The following CNIH3 variants were observed in gnomAD, a reference collection of about 807,000 sequenced individuals.
The protein encoded by CNIH3 is protein cornichon homolog 3.
In CNIH3, 14 loss-of-function variants were observed where a neutral mutation model predicts 24.1. The ratio of observed to expected loss-of-function variants is 0.58; its 90% CI spans 0.38 to 0.91. The LOEUF (loss-of-function observed/expected upper bound fraction) is 0.91, where lower values mean the gene tolerates loss of function less well. Among genes scored for constraint, CNIH3 ranks in the 40% least tolerant of loss-of-function variants. The pLI is 0.00. For missense variants in CNIH3, 178 were observed against 196.8 expected (o/e 0.90, Z 0.57); for synonymous variants, 68 against 73.8 (o/e 0.92, Z 0.40).
intron 1 of CNIH3, among the ~76,000 whole-genome samples, chr1:224,648,382 G>C (rs1684712529): frequency 6.7e-6 from 1 of 148,956 alleles, no homozygotes; most frequent in South Asian, 2.1e-4. Context: ...CTGCACTCCA[G>C]CCTGGGTGAC....
chr1:224,545,355 A>T (rs1030604257), intron 2 of CNIH3, among the ~76,000 whole-genome samples: 1 of 152,174 alleles, frequency 6.6e-6, no homozygotes, highest in Non-Finnish European at 1.5e-5. Flanking sequence ...TTCTATTATA[A>T]CGTTCAGAGT....
At chr1:224,451,479 C>T (rs1021125772) in intron 1 of CNIH3, among the ~76,000 whole-genome samples, 1 of 152,160 alleles carries the variant, frequency 6.6e-6, no homozygotes, top group Non-Finnish European at 1.5e-5. Flanking sequence ...AACCGAATAG[C>T]TTGGTCACAC....
chr1:224,497,018 C>T (rs896971462), intron 1 of CNIH3, among the ~76,000 whole-genome samples: 1 of 152,074 alleles, frequency 6.6e-6, no homozygotes, highest in African/African-American at 2.4e-5. Flanking sequence ...GTGGTATATC[C>T]ATACAATGGA....
At chr1:224,597,872 G>T (rs1682051634) in intron 3 of CNIH3, among the ~76,000 whole-genome samples, 1 of 152,160 alleles carries the variant, frequency 6.6e-6, no homozygotes, top group South Asian at 2.1e-4. Context: ...TTGGTAATTG[G>T]CATCAGAAGT....
intron 2 of CNIH3, among the ~76,000 whole-genome samples, chr1:224,533,405 A>G: frequency 6.7e-6 from 1 of 148,174 alleles, no homozygotes; most frequent in Non-Finnish European, 1.5e-5. Flanking sequence ...AAAAAAAAAA[A>G]TCAGAGAGAG....
chr1:224,674,534 G>A (rs1157195101), intron 1 of CNIH3, among the ~76,000 whole-genome samples: 1 of 152,006 alleles, frequency 6.6e-6, no homozygotes, highest in Non-Finnish European at 1.5e-5. Flanking sequence ...GGCCCCAGCA[G>A]GACTGACCTT....
chr1:224,617,817 G>C (rs927853598), intron 1 of CNIH3, among the ~76,000 whole-genome samples: 16 of 152,080 alleles, frequency 1.1e-4, no homozygotes, highest in Non-Finnish European at 2.2e-4. Context: ...AGAAGGAGAA[G>C]AGCAAGGAGG....
At chr1:224,700,558 A>G (rs1687430148) in intron 3 of CNIH3, among the ~76,000 whole-genome samples, 1 of 152,220 alleles carries the variant, frequency 6.6e-6, no homozygotes, top group African/African-American at 2.4e-5. Flanking sequence ...CTTTCTCATT[A>G]TCCCAGATGT....
chr1:224,734,265 G>A (rs888571304), intron 4 of CNIH3, among the ~76,000 whole-genome samples: 4 of 152,162 alleles, frequency 2.6e-5, no homozygotes, highest in African/African-American at 4.8e-5. Context: ...CCTGAGAGGC[G>A]GCTCTTCCTC....
intron 3 of CNIH3, among the ~76,000 whole-genome samples, chr1:224,607,622 G>A (rs1346976269): frequency 6.6e-6 from 1 of 152,160 alleles, no homozygotes; most frequent in African/African-American, 2.4e-5. Context: ...GGTGAGTGAA[G>A]GGATGACTTT....
At position 224,684,187 on chromosome 1, in the gene CNIH3, G is replaced by A. The variant is rs1252408227; in HGVS notation, c.151-609G>A. ...CGGGCATCATCACCTGCCCAGCCAC[G>A]GGCCATCATCTCATCTTCCCTTGGC... On this transcript the variant is annotated intron_variant, in intron 2 of 5. Transcript: ENST00000272133. This position sits in a 1 kb window ranked among gnomAD's most constrained non-coding sequence, Gnocchi z 4.2. Among the ~76,000 whole-genome samples the A allele has an allele frequency of 6.6e-6, 1 of 152,328 alleles. No individual in the cohort carries two copies. The highest frequency in any genetic ancestry group is 1.9e-4 in the East Asian group (1 of 5,184).
At chr1:224,501,506 T>TAC (rs1491338256) in intron 1 of CNIH3, among the ~76,000 whole-genome samples, 1 of 112,928 alleles carries the variant, frequency 8.9e-6, no homozygotes, top group African/African-American at 3.3e-5. Flanking sequence ...GGCTTGAACC[T>TAC]ATATATATAT....
intron 1 of CNIH3, among the ~76,000 whole-genome samples, chr1:224,621,341 A>G (rs1158424383): frequency 6.6e-6 from 1 of 152,232 alleles, no homozygotes; most frequent in Admixed American, 6.5e-5. Context: ...CTGGAAGTCT[A>G]GTAAACATCT....
At chr1:224,516,336 AAAAAAT>A in intron 1 of CNIH3, among the ~76,000 whole-genome samples, 1 of 121,508 alleles carries the variant, frequency 8.2e-6, no homozygotes, top group African/African-American at 3.7e-5. Flanking sequence ...AAAAAAAAAA[AAAAAAT>A]CCATGCACTT....
chr1:224,496,315 T>C (rs1370485177), intron 1 of CNIH3, among the ~76,000 whole-genome samples: 1 of 152,190 alleles, frequency 6.6e-6, no homozygotes, highest in African/African-American at 2.4e-5. Context: ...GAGCACTTTC[T>C]GTGCTGCTGG....
At chr1:224,519,271 G>A (rs1444807675) in intron 1 of CNIH3, among the ~76,000 whole-genome samples, 1 of 152,202 alleles carries the variant, frequency 6.6e-6, no homozygotes, top group East Asian at 1.9e-4. Flanking sequence ...TAGAACAGAA[G>A]GCAGAGGAAG....
intron 1 of CNIH3, among the ~76,000 whole-genome samples, chr1:224,676,065 T>A (rs1047573733): frequency 2.0e-5 from 3 of 152,228 alleles, no homozygotes; most frequent in African/African-American, 4.8e-5. Context: ...GCTTTATTCA[T>A]AATTGTCAAA....
intron 1 of CNIH3, among the ~76,000 whole-genome samples, chr1:224,443,321 T>C (rs1307876291): frequency 6.6e-6 from 1 of 152,152 alleles, no homozygotes; most frequent in African/African-American, 2.4e-5. Context: ...ACTACTTGCA[T>C]CTATCTAATG....
chr1:224,733,782 CTCCGGCAGG>C (rs1415024527), intron 4 of CNIH3, among the ~76,000 whole-genome samples: 66 of 152,286 alleles, frequency 4.3e-4, no homozygotes, highest in African/African-American at 1.6e-3. Context: ...TGTTCTTGGG[CTCCGGCAGG>C]AGGCTGTGGC....
Sources: gnomAD v4.1 joint callset for allele counts (sites outside exome capture counted in the v4.1 genomes callset) on GRCh38, gnomAD v4.1.1 for gene constraint, Gnocchi (gnomAD v3.1) non-coding constraint, MANE v1.5 for transcripts, NCBI Gene and HGNC (gene_info 2026-07-23, HGNC 2026-07-21) for gene names.